Variants in CSMD1 observed in about 807,000 individuals in gnomAD.
The protein encoded by CSMD1 is CUB and Sushi multiple domains 1, also known as CUB and sushi domain-containing protein 1.
A neutral mutation model predicts 417.5 loss-of-function variants in CSMD1; 213 were observed. The observed-to-expected ratio is 0.51, with a 90% confidence interval of 0.46 to 0.57. The LOEUF is 0.57. Among genes scored for constraint, CSMD1 ranks in the 20% least tolerant of loss-of-function variants. CSMD1 has a pLI of 0.00. For synonymous variants in CSMD1, 2,862 were observed against 1,736.8 expected (o/e 1.65, Z -16.11); for missense variants, 6,923 against 4,529.7 (o/e 1.53, Z -15.17).
intron 5 of CSMD1, among the ~76,000 whole-genome samples, chr8:3,939,319 T>G (rs1349401999): frequency 1.3e-5 from 2 of 152,276 alleles, no homozygotes; most frequent in East Asian, 3.9e-4. Context: ...GATACCACCT[T>G]ACTCCTGTAA....
At chr8:4,761,835 G>GCATC (rs58902259) in intron 1 of CSMD1, among the ~76,000 whole-genome samples, 3,984 of 116,600 alleles carry the variant, frequency 0.034, 99 homozygotes, top group African/African-American at 0.063. Flanking sequence ...ATAGTACCAT[G>GCATC]CATCTATCTA....
At chr8:3,467,726 G>A (rs1157347135) in intron 12 of CSMD1, among the ~76,000 whole-genome samples, 1 of 152,110 alleles carries the variant, frequency 6.6e-6, no homozygotes, top group Non-Finnish European at 1.5e-5. Flanking sequence ...CCAAGGTGTG[G>A]CGTGTTCACT....
intron 1 of CSMD1, among the ~76,000 whole-genome samples, chr8:4,964,266 C>T (rs1226450617): frequency 2.0e-5 from 3 of 151,850 alleles, no homozygotes; most frequent in African/African-American, 4.8e-5. Context: ...GTAATCCCAG[C>T]AGTTTGGGAG....
intron 42 of CSMD1, among the ~76,000 whole-genome samples, chr8:3,114,157 T>C (rs1305674170): frequency 4.6e-5 from 7 of 152,130 alleles, no homozygotes; most frequent in African/African-American, 1.7e-4. Flanking sequence ...AGTAGGAGGA[T>C]TGCTTGAGCC....
chr8:4,201,765 T>G (rs575025869), intron 3 of CSMD1, among the ~76,000 whole-genome samples: 16 of 152,052 alleles, frequency 1.1e-4, no homozygotes, highest in Non-Finnish European at 2.4e-4. Context: ...CTTGAGAGTC[T>G]ATGAAGGGAG....
At chr8:4,091,539 G>A (rs971449414) in intron 3 of CSMD1, among the ~76,000 whole-genome samples, 2 of 152,164 alleles carry the variant, frequency 1.3e-5, no homozygotes, top group African/African-American at 4.8e-5. Context: ...CTGGCACTCA[G>A]CAATGCAAAC....
chr8:3,584,566 T>C (rs1800519253), intron 9 of CSMD1, among the ~76,000 whole-genome samples: 1 of 152,104 alleles, frequency 6.6e-6, no homozygotes, highest in African/African-American at 2.4e-5. Context: ...GATAGGATAC[T>C]GAGAAAGGGC....
In CSMD1 at chr8:3,224,152, A is replaced by C. The variant is rs375127987; in HGVS notation, c.4346-285T>G. 1.6e-4 allele frequency among the ~76,000 whole-genome samples: 25 copies of C among 152,262 alleles called. No individual in the cohort carries two copies. In the East Asian group the frequency reaches 2.7e-3, roughly 16 times the overall value. On this transcript the variant is annotated intron_variant, in intron 27 of 69. Coordinates refer to ENST00000635120, the MANE Select transcript of CSMD1 (RefSeq NM_033225.6). ...AAAAAATTTCTTTCCTATAATTTAA[A>C]ATTTTCTCAATTAAATGAAAGATGA...
chr8:4,676,074 G>C (rs546731441), intron 1 of CSMD1, among the ~76,000 whole-genome samples: 1 of 152,298 alleles, frequency 6.6e-6, no homozygotes, highest in East Asian at 1.9e-4. Flanking sequence ...AGTAGAAAGA[G>C]AAGCGATGAT....
intron 52 of CSMD1, among the ~76,000 whole-genome samples, chr8:3,016,126 C>A (rs995699715): frequency 3.9e-5 from 6 of 152,168 alleles, no homozygotes; most frequent in African/African-American, 1.4e-4. Context: ...ACGTTCTAAT[C>A]AGATAAATCT....
chr8:3,463,988 G>A (rs1473949667), intron 12 of CSMD1, among the ~76,000 whole-genome samples: 5 of 152,066 alleles, frequency 3.3e-5, no homozygotes, highest in South Asian at 2.1e-4. Context: ...AGACAATTCC[G>A]TTTCTTGTAT....
intron 3 of CSMD1, among the ~76,000 whole-genome samples, chr8:4,285,653 G>T (rs1585159164): frequency 1.3e-5 from 2 of 152,142 alleles, no homozygotes; most frequent in South Asian, 4.1e-4. Flanking sequence ...GTTGGTCTTT[G>T]CTTTTCTTGA....
At chr8:4,250,206 T>C (rs1802969850) in intron 3 of CSMD1, among the ~76,000 whole-genome samples, 1 of 152,198 alleles carries the variant, frequency 6.6e-6, no homozygotes, top group Non-Finnish European at 1.5e-5. Flanking sequence ...GTACCTGGTC[T>C]GTAGTATTTT....
intron 3 of CSMD1, among the ~76,000 whole-genome samples, chr8:4,397,998 C>CT (rs1804373007): frequency 1.3e-5 from 2 of 152,186 alleles, no homozygotes; most frequent in East Asian, 1.9e-4. Flanking sequence ...TTTTAAATAC[C>CT]TTTGTCTAGG....
At chr8:4,330,254 G>T (rs1799793841) in intron 3 of CSMD1, among the ~76,000 whole-genome samples, 1 of 122,566 alleles carries the variant, frequency 8.2e-6, no homozygotes. Flanking sequence ...GATCCAGTAG[G>T]ACTCTGTCTG....
chr8:4,916,525 C>G (rs1434884499), intron 1 of CSMD1, among the ~76,000 whole-genome samples: 1 of 152,148 alleles, frequency 6.6e-6, no homozygotes, highest in African/African-American at 2.4e-5. Flanking sequence ...AAGCTAAATG[C>G]AGTTGTTTAG....
At chr8:3,551,805 G>C (rs1418380544) in intron 10 of CSMD1, among the ~76,000 whole-genome samples, 1 of 152,046 alleles carries the variant, frequency 6.6e-6, no homozygotes, top group Non-Finnish European at 1.5e-5. Context: ...TGCTGAGTGT[G>C]ACATGCAGTA....
chr8:3,933,889 T>C (rs181853281), intron 5 of CSMD1, among the ~76,000 whole-genome samples: 95 of 152,296 alleles, frequency 6.2e-4, no homozygotes, highest in Middle Eastern at 3.4e-3. Flanking sequence ...CTTTATTTAC[T>C]TTCTCTAGGC....
chr8:3,903,853 G>A (rs1584939920), intron 5 of CSMD1, among the ~76,000 whole-genome samples: 1 of 151,972 alleles, frequency 6.6e-6, no homozygotes, highest in Non-Finnish European at 1.5e-5. Context: ...GGTCTTGTTT[G>A]TTAGGGAGTC....
Sources: allele counts gnomAD v4.1 joint callset (sites outside exome capture counted in the v4.1 genomes callset), GRCh38; gene constraint gnomAD v4.1.1; transcripts MANE v1.5; gene names NCBI Gene and HGNC (gene_info 2026-07-23, HGNC 2026-07-21).